Variants in PI4KA observed in about 807,000 individuals in gnomAD.
PI4KA encodes PI4-kinase alpha.
PI4KA carries 122 observed loss-of-function variants against 271.4 expected under a neutral mutation model. The ratio of observed to expected loss-of-function variants is 0.45; its 90% CI spans 0.39 to 0.52. The LOEUF is 0.52. Ranked by LOEUF, PI4KA falls within the 20% of genes least tolerant of loss-of-function variation. PI4KA has a pLI of 0.00. For missense variants in PI4KA, 1,969 were observed against 2,769.1 expected (o/e 0.71, Z 6.48); for synonymous variants, 1,041 against 1,078.8 (o/e 0.96, Z 0.69).
chr22:20,788,252 T>A (rs1255383610), intron 19 of PI4KA, among the ~76,000 whole-genome samples: 1 of 152,102 alleles, frequency 6.6e-6, no homozygotes, highest in African/African-American at 2.4e-5. Flanking sequence ...GCTGAAGTAG[T>A]GGGGCTGGGT....
chr22:20,839,927 A>AG (rs1925345992), intron 1 of PI4KA, among the ~76,000 whole-genome samples: 1 of 152,256 alleles, frequency 6.6e-6, no homozygotes, highest in Non-Finnish European at 1.5e-5. Flanking sequence ...ATATACTATA[A>AG]TAGTGGCTAG....
rs766826857 is a variant in PI4KA, at chr22:20,729,422, C to A, written c.4573G>T (p.Val1525Leu). 6.2e-7 allele frequency: 1 copy of A among 1,613,464 alleles called. No homozygotes were observed. The highest frequency in any genetic ancestry group is 1.3e-5 in the African/African-American group (1 of 74,918). Residue 1525 changes from valine (V) to leucine (L), a missense_variant, in exon 39 of 55, where the codon GTG becomes TTG. Transcript: ENST00000255882. Reference sequence around the variant, plus strand: ...ATGTACTTAGATCTCCAGTTGGCCACGCTGTTCTCTCCGGCCTGGTCTAGT... The same window carrying A: ...ATGTACTTAGATCTCCAGTTGGCCAAGCTGTTCTCTCCGGCCTGGTCTAGT... ...LELDQAGENS[V>L]ANWRSKYISL...
At chr22:20,825,155 G>A (rs1923247113) in intron 3 of PI4KA, among the ~76,000 whole-genome samples, 1 of 150,816 alleles carries the variant, frequency 6.6e-6, no homozygotes, top group Non-Finnish European at 1.5e-5. Flanking sequence ...TATATTCATA[G>A]TACATGACAG....
chr22:20,716,966 C>G (rs1022138570), intron 45 of PI4KA, among the ~76,000 whole-genome samples: 4 of 152,132 alleles, frequency 2.6e-5, no homozygotes, highest in Admixed American at 6.5e-5. Context: ...CAGAGAGAGG[C>G]CGGGCACAGT....
chr22:20,733,064 G>C lies in PI4KA; in HGVS notation c.4195C>G (p.Arg1399Gly). 5 of 1,611,804 alleles carry C rather than the reference G, an allele frequency of 3.1e-6. No individual in the cohort carries two copies. The South Asian group carries it at 5.5e-5, about 18-fold the overall frequency. Residue 1399 changes from arginine (R) to glycine (G), a missense_variant, in exon 36 of 55, where the codon CGG becomes GGG. Coordinates refer to ENST00000255882, the MANE Select transcript of PI4KA (RefSeq NM_058004.4). Reference sequence around the variant, plus strand: ...ATGATGCTTATGTCTTCACGCAGCCGCTTCTCTCCTTGAGTAGGGAACTTT... The same window carrying C: ...ATGATGCTTATGTCTTCACGCAGCCCCTTCTCTCCTTGAGTAGGGAACTTT... ...PPKFPTQGEK[R>G]LREDISIMIK...
chr22:20,708,111 G>A lies in PI4KA; in HGVS notation c.6258-13C>T. ...GTAGGTCCGGCTCCTGAAAGGCCAA[G>A]GAAGAGTGAAGGGAGATTCGAGGAG... On this transcript the variant is annotated splice_polypyrimidine_tract_variant and intron_variant, in intron 54 of 54. Transcript: ENST00000255882. 6.2e-7 allele frequency: 1 copy of A among 1,612,496 alleles called. No individual in the cohort carries two copies. Among genetic ancestry groups the A allele is most frequent in the Non-Finnish European group, 8.5e-7 (1 of 1,178,606 alleles).
intron 46 of PI4KA, 47 bp from the exon 47 acceptor site, chr22:20,714,575 A>T (rs765062628): frequency 1.9e-6 from 3 of 1,613,856 alleles, no homozygotes; most frequent in East Asian, 4.5e-5. Flanking sequence ...AGCCGAGAAA[A>T]ACTTCGCACG....
At position 20,713,251 on chromosome 22, in the gene PI4KA, C is replaced by T. The variant is rs1415029502; in HGVS notation, c.5571+30G>A. 6.0e-6 allele frequency: 9 copies of T among 1,487,858 alleles called. No individual in the cohort carries two copies. In the African/African-American group the frequency reaches 1.3e-4, roughly 21 times the overall value. The allele number at this position is 1,487,858 out of a possible 1,614,324, so 92.2% of individuals were successfully genotyped here. ...CTTGGGGAGCAGCAAGCCCAGTCCC[C>T]AAGCCTACTCGAGGCCTGACCCTGC... On this transcript the variant is annotated intron_variant, in intron 48 of 54. Coordinates refer to ENST00000255882, the MANE Select transcript of PI4KA (RefSeq NM_058004.4).
At chr22:20,776,732 G>T (rs1004246134) in intron 19 of PI4KA, among the ~76,000 whole-genome samples, 2 of 152,092 alleles carry the variant, frequency 1.3e-5, no homozygotes, top group African/African-American at 4.8e-5. Context: ...TGACAGTGAC[G>T]AAAGGCTCAG....
At chr22:20,718,375 G>GA (rs1926277452) in intron 44 of PI4KA, among the ~76,000 whole-genome samples, 1 of 152,226 alleles carries the variant, frequency 6.6e-6, no homozygotes, top group African/African-American at 2.4e-5. Flanking sequence ...TCAAAGTGTG[G>GA]AGAGGGCAGG....
At position 20,754,918 on chromosome 22, in the gene PI4KA, A is replaced by C. The variant is rs112671245; in HGVS notation, c.2792-1738T>G. Reference sequence around the variant, plus strand: ...AGCTGAGATCATGCCACTGCACTCCAGCCTGGGTGACAGAGCGAGACTCCA... The same window carrying C: ...AGCTGAGATCATGCCACTGCACTCCCGCCTGGGTGACAGAGCGAGACTCCA... On this transcript the variant is annotated intron_variant, in intron 23 of 54. Coordinates refer to ENST00000255882, the MANE Select transcript of PI4KA (RefSeq NM_058004.4). 7.3e-3 allele frequency among the ~76,000 whole-genome samples: 1,116 copies of C among 152,298 alleles called. 12 individuals carry two copies. The highest frequency in any genetic ancestry group is 0.025 in the African/African-American group (1,039 of 41,566).
chr22:20,771,662 A>C (rs1287404897), intron 19 of PI4KA, among the ~76,000 whole-genome samples: 1 of 151,686 alleles, frequency 6.6e-6, no homozygotes, highest in Non-Finnish European at 1.5e-5. Flanking sequence ...GCTCACTGCA[A>C]CCTTCACCTC....
chr22:20,851,251 T>C (rs1347751535), intron 1 of PI4KA, among the ~76,000 whole-genome samples: 1 of 152,020 alleles, frequency 6.6e-6, no homozygotes, highest in African/African-American at 2.4e-5. Flanking sequence ...GCACAGTGCC[T>C]GCAACACAGC....
At chr22:20,830,793 CAG>C (rs1399461220) in intron 3 of PI4KA, among the ~76,000 whole-genome samples, 1 of 151,958 alleles carries the variant, frequency 6.6e-6, no homozygotes, top group African/African-American at 2.4e-5. Flanking sequence ...TTTTTTGAGA[CAG>C]AGTTTCATTC....
At chr22:20,717,356 C>T (rs1403013358) in intron 45 of PI4KA, among the ~76,000 whole-genome samples, 1 of 152,344 alleles carries the variant, frequency 6.6e-6, no homozygotes, top group African/African-American at 2.4e-5. Context: ...TGAGCCGTCC[C>T]ACACTGGGCC....
chr22:20,833,671 T>G (rs1314031119), intron 3 of PI4KA, among the ~76,000 whole-genome samples: 2 of 149,412 alleles, frequency 1.3e-5, no homozygotes, highest in East Asian at 1.9e-4. Context: ...TTTTTTTTTT[T>G]TTTTTTTGAG....
intron 1 of PI4KA, among the ~76,000 whole-genome samples, chr22:20,844,096 A>C (rs879399302): frequency 5.9e-5 from 9 of 152,314 alleles, no homozygotes; most frequent in South Asian, 2.1e-4. Flanking sequence ...CTCCCATCAT[A>C]TCTCTCAATA....
At chr22:20,845,664 G>A (rs1926135909) in intron 1 of PI4KA, among the ~76,000 whole-genome samples, 1 of 152,210 alleles carries the variant, frequency 6.6e-6, no homozygotes, top group Non-Finnish European at 1.5e-5. Context: ...AAATGGAACA[G>A]CACCTGATCC....
intron 28 of PI4KA, among the ~76,000 whole-genome samples, chr22:20,748,634 G>A (rs1490107059): frequency 6.6e-6 from 1 of 152,212 alleles, no homozygotes; most frequent in East Asian, 1.9e-4. Context: ...GTTTACAGGC[G>A]TGAACCAACT....
Sources: allele counts gnomAD v4.1 joint callset (sites outside exome capture counted in the v4.1 genomes callset), GRCh38; gene constraint gnomAD v4.1.1; transcripts MANE v1.5; gene names NCBI Gene and HGNC (gene_info 2026-07-23, HGNC 2026-07-21).